FRMD3: variants seen among roughly 807,000 people sequenced by gnomAD.
FRMD3 encodes the protein FERM domain containing 3, also known as FERM domain-containing protein 3.
In FRMD3, 33 loss-of-function variants were observed where a neutral mutation model predicts 70.2. The observed-to-expected ratio is 0.47, with a 90% confidence interval of 0.36 to 0.63. The LOEUF is 0.63. Ranked by LOEUF, FRMD3 falls within the 20% of genes least tolerant of loss-of-function variation. The pLI is 0.00. For synonymous variants in FRMD3, 279 were observed against 255.9 expected, an observed-to-expected ratio of 1.09 and a Z score of -0.86; for missense variants, 632 against 711.4, an observed-to-expected ratio of 0.89 and a Z score of 1.27.
intron 1 of FRMD3, among the ~76,000 whole-genome samples, chr9:83,404,472 T>C (rs964870072): frequency 4.6e-5 from 7 of 152,222 alleles, no homozygotes; most frequent in African/African-American, 2.4e-5. Context: ...TTTCACCCAT[T>C]GTTTAGAAAT....
At chr9:83,432,343 C>T (rs910660519) in intron 1 of FRMD3, among the ~76,000 whole-genome samples, 6 of 152,190 alleles carry the variant, frequency 3.9e-5, no homozygotes, top group Admixed American at 6.5e-5. Flanking sequence ...TTTCCTTTGC[C>T]CCAAGGAATC....
chr9:83,300,691 T>A (rs1034192499), intron 10 of FRMD3, among the ~76,000 whole-genome samples: 2 of 152,242 alleles, frequency 1.3e-5, no homozygotes, highest in African/African-American at 4.8e-5. Flanking sequence ...GGTATTGAAA[T>A]TTTTTAAAAA....
At chr9:83,535,684 T>A (rs974754273) in intron 1 of FRMD3, among the ~76,000 whole-genome samples, 1 of 152,126 alleles carries the variant, frequency 6.6e-6, no homozygotes, top group Non-Finnish European at 1.5e-5. Flanking sequence ...CCCAAGACAA[T>A]TCTTCTTCTT....
chr9:83,380,834 A>T (rs1825331168), intron 2 of FRMD3, among the ~76,000 whole-genome samples: 1 of 152,154 alleles, frequency 6.6e-6, no homozygotes, highest in East Asian at 1.9e-4. Context: ...AATATGTTAA[A>T]TAACCCAGGG....
In FRMD3 at chr9:83,247,202, T is replaced by G. The variant is rs1295740067; in HGVS notation, c.*716A>C. Reference sequence around the variant, plus strand: ...CAGTTCCATCCTCTGTTTTAGCAGCTTACTTACTATAGTGTCTTTCTACCC... The same window carrying G: ...CAGTTCCATCCTCTGTTTTAGCAGCGTACTTACTATAGTGTCTTTCTACCC... On this transcript the variant is annotated 3_prime_UTR_variant, in exon 14 of 14. Coordinates refer to ENST00000304195, the MANE Select transcript of FRMD3 (RefSeq NM_174938.6). 1 of 985,314 alleles carries G rather than the reference T, an allele frequency of 1.0e-6. No homozygotes were observed. The highest frequency in any genetic ancestry group is 1.2e-6 in the Non-Finnish European group (1 of 829,924). 61.0% of individuals were successfully genotyped at this position (985,314 alleles called of 1,614,324 possible). A position where few individuals can be genotyped will look rare whatever the true frequency, so the allele number is the denominator to read the frequency against.
At chr9:83,354,032 C>A (rs1026816941) in intron 3 of FRMD3, among the ~76,000 whole-genome samples, 2 of 152,080 alleles carry the variant, frequency 1.3e-5, no homozygotes, top group Admixed American at 6.6e-5. Context: ...TTAAGCAATT[C>A]TCCTGGCTCA....
Position 83,303,274 on chromosome 9 carries a change from T to C in FRMD3, c.927-4088A>G, listed in dbSNP as rs181463612. Among the ~76,000 whole-genome samples, 9 of 152,336 alleles carry C rather than the reference T, an allele frequency of 5.9e-5. No individual in the cohort carries two copies. In the Middle Eastern group the frequency reaches 0.01, roughly 173 times the overall value. ...AATTCATTTTATCCTCACGGCTCTC[T>C]ACCAGGAGGAAGGGATCCGCATTTT... On this transcript the variant is annotated intron_variant, in intron 10 of 13. Transcript: ENST00000304195.
rs748606851 is a variant in FRMD3 at position 83,266,727 on chromosome 9, C to T, written c.1196-18211G>A. Among the ~76,000 whole-genome samples, 102 of 152,152 alleles carry T rather than the reference C, an allele frequency of 6.7e-4. 1 individual carries two copies. The highest frequency in any genetic ancestry group is 2.6e-4 in the Admixed American group (4 of 15,278). On this transcript the variant is annotated intron_variant, in intron 13 of 13. Transcript: ENST00000304195. Reference sequence around the variant, plus strand: ...GGAACAATCTGGAGGTACACACCACCACTGCCTCCCTCTCCCTCCTGACTC... The same window carrying T: ...GGAACAATCTGGAGGTACACACCACTACTGCCTCCCTCTCCCTCCTGACTC...
chr9:83,280,939 C>T (rs946247340), intron 13 of FRMD3, among the ~76,000 whole-genome samples: 15 of 152,204 alleles, frequency 9.9e-5, no homozygotes, highest in African/African-American at 3.1e-4. Context: ...CAGCATTGAG[C>T]GTACACTCCC....
Position 83,310,498 on chromosome 9 carries a change from C to T in FRMD3, c.824G>A (p.Gly275Asp), listed in dbSNP as rs367835279. The change falls in exon 9 of 14, where the codon GGC becomes GAC. Residue 275 changes from glycine (G) to aspartate (D), a missense_variant. By Grantham distance (94) the Gly-to-Asp change is moderately conservative. Coordinates refer to ENST00000304195, the MANE Select transcript of FRMD3 (RefSeq NM_174938.6). ...KFEGKTFYVI[G>D]TQKEKKAMLA... ...GCAGTATCTGACCTCCTTCTGGGTG[C>T]CAATCACATAAAATGTCTTCCCTTC... 445 of 1,606,778 alleles carry T rather than the reference C, an allele frequency of 2.8e-4. No individual in the cohort carries two copies. The highest frequency in any genetic ancestry group is 3.4e-4 in the Non-Finnish European group (401 of 1,178,050).
At chr9:83,553,005 G>A in the FRMD3 span, among the ~76,000 whole-genome samples, 1 of 152,080 alleles carries the variant, frequency 6.6e-6, no homozygotes, top group African/African-American at 2.4e-5. Flanking sequence ...ATTGACATGT[G>A]TGCATTTGAT....
chr9:83,297,399 A>G (rs1259278336), intron 12 of FRMD3: 1 of 184,526 alleles, frequency 5.4e-6, no homozygotes, highest in African/African-American at 2.4e-5. Context: ...CTGGAGTTCT[A>G]GGCTTAGGTC....
intron 13 of FRMD3, among the ~76,000 whole-genome samples, chr9:83,266,252 T>G (rs896849785): frequency 1.3e-5 from 2 of 152,214 alleles, no homozygotes; most frequent in Admixed American, 6.5e-5. Flanking sequence ...CAAGAACACA[T>G]CATGTATTAT....
At chr9:83,550,961 C>G in the FRMD3 span, among the ~76,000 whole-genome samples, 15 of 151,928 alleles carry the variant, frequency 9.9e-5, no homozygotes, top group Admixed American at 6.6e-4. Flanking sequence ...ATTTGTACAC[C>G]CTTTATTTCT....
At chr9:83,461,729 T>A (rs979416309) in intron 1 of FRMD3, among the ~76,000 whole-genome samples, 1 of 119,942 alleles carries the variant, frequency 8.3e-6, no homozygotes, top group Non-Finnish European at 1.6e-5. Context: ...CACTCTGTCA[T>A]CCATGCTGGA....
chr9:83,488,972 TTGTGTGTGTG>T (rs4014025), intron 1 of FRMD3, among the ~76,000 whole-genome samples: 75 of 135,640 alleles, frequency 5.5e-4, no homozygotes, highest in East Asian at 1.2e-3. Context: ...CCCTATACCT[TTGTGTGTGTG>T]TGTGTGTGTG....
At chr9:83,434,222 T>A (rs921623700) in intron 1 of FRMD3, among the ~76,000 whole-genome samples, 1 of 152,240 alleles carries the variant, frequency 6.6e-6, no homozygotes, top group African/African-American at 2.4e-5. Context: ...CTCAGTCCTC[T>A]GAGCCTCTGA....
chr9:83,375,594 T>C (rs1373475041), intron 2 of FRMD3, among the ~76,000 whole-genome samples: 1 of 152,220 alleles, frequency 6.6e-6, no homozygotes, highest in Non-Finnish European at 1.5e-5. Context: ...TAGTATTCAT[T>C]AAACTGCTAA....
chr9:83,337,742 T>A (rs1211471737), intron 5 of FRMD3, among the ~76,000 whole-genome samples: 1 of 152,220 alleles, frequency 6.6e-6, no homozygotes, highest in African/African-American at 2.4e-5. Context: ...CATCATCCAA[T>A]GACTGGAAAA....
Sources: allele counts gnomAD v4.1 joint callset (sites outside exome capture counted in the v4.1 genomes callset), GRCh38; gene constraint gnomAD v4.1.1; transcripts MANE v1.5; gene names NCBI Gene and HGNC (gene_info 2026-07-23, HGNC 2026-07-21).